The following YAF2 variants were observed in gnomAD, a reference collection of about 807,000 sequenced individuals.
YAF2 encodes YY1 associated factor 2.
A neutral mutation model predicts 20.1 loss-of-function variants in YAF2; 7 were observed. The ratio of observed to expected loss-of-function variants is 0.35; its 90% CI spans 0.20 to 0.65. The LOEUF is 0.65. YAF2 is among the 30% of genes least tolerant of loss of function. The probability of loss-of-function intolerance (pLI) is 0.69; values close to 1 mark genes in which losing one functional copy is unlikely to be tolerated. For missense variants in YAF2, 151 were observed against 219.2 expected, an observed-to-expected ratio of 0.69 and a Z score of 1.96; for synonymous variants, 74 against 76.0, an observed-to-expected ratio of 0.97 and a Z score of 0.14.
At chr12:42,169,151 T>C (rs2065982437) in intron 2 of YAF2, among the ~76,000 whole-genome samples, 1 of 152,218 alleles carries the variant, frequency 6.6e-6, no homozygotes, top group Non-Finnish European at 1.5e-5. Flanking sequence ...AAAGAAACCA[T>C]ACTAAGGTCA....
intron 2 of YAF2, among the ~76,000 whole-genome samples, chr12:42,176,801 A>T (rs745733793): frequency 6.6e-6 from 1 of 152,060 alleles, no homozygotes; most frequent in Non-Finnish European, 1.5e-5. Flanking sequence ...GTCACCACTA[A>T]AAATACAAAA....
chr12:42,167,872 C>T (rs928284697), intron 2 of YAF2, among the ~76,000 whole-genome samples: 1 of 152,158 alleles, frequency 6.6e-6, no homozygotes, highest in African/African-American at 2.4e-5. Context: ...GACGCAGGCA[C>T]ATGCCTATAG....
intron 2 of YAF2, chr12:42,233,077 G>A: frequency 1.0e-6 from 1 of 985,108 alleles, no homozygotes; most frequent in Non-Finnish European, 1.2e-6. Flanking sequence ...TAAATAAGAT[G>A]CTCAATAAAC....
intron 2 of YAF2, among the ~76,000 whole-genome samples, chr12:42,182,722 T>C (rs768900081): frequency 6.6e-6 from 1 of 152,236 alleles, no homozygotes; most frequent in African/African-American, 2.4e-5. Context: ...TTATTGAATA[T>C]ATTGAATTTT....
In YAF2 at chr12:42,217,548, CA is replaced by C. The variant is rs373124332; in HGVS notation, c.152+20050del. Among the ~76,000 whole-genome samples the C allele has an allele frequency of 7.9e-5, 12 of 152,214 alleles. No individual in the cohort carries two copies. The East Asian group carries it at 2.3e-3, about 29-fold the overall frequency. On this transcript the variant is annotated intron_variant, in intron 2 of 3. Transcript: ENST00000534854. The stretch of plus-strand genomic sequence containing the variant: ...TGCAGTTCATTTTTATCAGTACCTA[CA>C]CAAGACACTGTGATGGGCATTGAGA...
intron 2 of YAF2, among the ~76,000 whole-genome samples, chr12:42,170,470 T>A (rs1227320964): frequency 6.6e-6 from 1 of 152,194 alleles, no homozygotes; most frequent in Non-Finnish European, 1.5e-5. Flanking sequence ...TATATTCTGC[T>A]TCAGGGAGCT....
chr12:42,179,797 A>G (rs1019863530), intron 2 of YAF2, among the ~76,000 whole-genome samples: 67 of 151,742 alleles, frequency 4.4e-4, no homozygotes, highest in African/African-American at 1.5e-3. Context: ...GGCAAAAAAA[A>G]AAAAAAAAAA....
intron 2 of YAF2, among the ~76,000 whole-genome samples, chr12:42,223,365 C>T (rs1272197023): frequency 4.8e-5 from 7 of 144,716 alleles, no homozygotes; most frequent in African/African-American, 1.8e-4. Flanking sequence ...CATATATATA[C>T]ACACAAACAA....
chr12:42,181,180 A>C (rs777323650), intron 2 of YAF2, among the ~76,000 whole-genome samples: 44 of 152,314 alleles, frequency 2.9e-4, no homozygotes, highest in Admixed American at 6.5e-4. Flanking sequence ...TACTGAAGTA[A>C]ATAATACTTG....
intron 2 of YAF2, among the ~76,000 whole-genome samples, chr12:42,176,262 C>T (rs1016341300): frequency 6.6e-6 from 1 of 150,756 alleles, no homozygotes; most frequent in Admixed American, 6.6e-5. Context: ...GCTGGGACTA[C>T]AGGAGTGCAC....
intron 2 of YAF2, among the ~76,000 whole-genome samples, chr12:42,215,687 C>G (rs981797312): frequency 1.3e-5 from 2 of 152,156 alleles, no homozygotes; most frequent in Non-Finnish European, 2.9e-5. Flanking sequence ...CTTTGGGAGG[C>G]TGAGGCAGGC....
intron 2 of YAF2, among the ~76,000 whole-genome samples, chr12:42,223,375 A>G (rs2067583104): frequency 6.6e-6 from 1 of 151,846 alleles, no homozygotes; most frequent in Admixed American, 6.6e-5. Context: ...CACACAAACA[A>G]AAAGATAAAG....
At chr12:42,228,260 C>G in intron 2 of YAF2, among the ~76,000 whole-genome samples, 2 of 81,136 alleles carry the variant, frequency 2.5e-5, no homozygotes, top group Admixed American at 1.1e-4. Flanking sequence ...GTGTCGGCCC[C>G]CCGCCCGCGC....
intron 2 of YAF2, chr12:42,234,384 G>T (rs1283658098): frequency 3.0e-6 from 3 of 985,146 alleles, no homozygotes; most frequent in African/African-American, 1.8e-5. Context: ...TGGAGTGAGG[G>T]GCTGAAAAAT....
At chr12:42,231,203 AAAAT>A (rs1286434264) in intron 2 of YAF2, 1 of 152,226 alleles carries the variant, frequency 6.6e-6, no homozygotes, top group Admixed American at 6.5e-5. Flanking sequence ...GTTCATTTAA[AAAAT>A]AAATACATCA....
At chr12:42,211,104 C>T (rs2137231172) in intron 2 of YAF2, among the ~76,000 whole-genome samples, 1 of 152,262 alleles carries the variant, frequency 6.6e-6, no homozygotes, top group East Asian at 1.9e-4. Flanking sequence ...AGATAAAATG[C>T]ATCAATACAA....
intron 2 of YAF2, among the ~76,000 whole-genome samples, chr12:42,185,522 G>C (rs1444730871): frequency 6.6e-6 from 1 of 152,196 alleles, no homozygotes; most frequent in East Asian, 1.9e-4. Context: ...ATGAAAGGAA[G>C]AGTTAATCAA....
Position 42,177,835 on chromosome 12 carries a change from G to C in YAF2, c.153-16070C>G, listed in dbSNP as rs2066236468. Among the ~76,000 whole-genome samples the C allele has an allele frequency of 2.0e-5, 3 of 152,226 alleles. No homozygotes were observed. The South Asian group carries it at 6.2e-4, about 32-fold the overall frequency. Reference sequence around the variant, plus strand: ...TGAATGCCAGACCATAATTGTAGGAGAAGTCTTTCTTAATCTGACACAAAA... The same window carrying C: ...TGAATGCCAGACCATAATTGTAGGACAAGTCTTTCTTAATCTGACACAAAA... On this transcript the variant is annotated intron_variant, in intron 2 of 3. Transcript: ENST00000534854.
intron 2 of YAF2, chr12:42,233,900 G>A (rs1419525603): frequency 1.0e-5 from 10 of 985,302 alleles, no homozygotes; most frequent in Non-Finnish European, 1.2e-5. Flanking sequence ...GCTGGGCACA[G>A]TGTCTCACTC....
Sources: allele counts gnomAD v4.1 joint callset (sites outside exome capture counted in the v4.1 genomes callset), GRCh38; gene constraint gnomAD v4.1.1; transcripts MANE v1.5; gene names NCBI Gene and HGNC (gene_info 2026-07-23, HGNC 2026-07-21).